The following CEP128 variants were observed in gnomAD, a reference collection of about 807,000 sequenced individuals.
CEP128 encodes the protein centrosomal protein 128.
CEP128 carries 132 observed loss-of-function variants against 156.7 expected under a neutral mutation model. The ratio of observed to expected loss-of-function variants is 0.84; its 90% CI spans 0.73 to 0.97. The LOEUF is 0.97. CEP128 is among the 50% of genes least tolerant of loss of function. The pLI is 0.00. For missense variants in CEP128, 1,252 were observed against 1,281.9 expected, an observed-to-expected ratio of 0.98 and a Z score of 0.36; for synonymous variants, 469 against 448.9, an observed-to-expected ratio of 1.04 and a Z score of -0.57.
chr14:80,827,609 A>G (rs1361120942), intron 13 of CEP128, among the ~76,000 whole-genome samples: 1 of 152,252 alleles, frequency 6.6e-6, no homozygotes, highest in African/African-American at 2.4e-5. Context: ...TGAAGTGTAC[A>G]GTATCTCTGG....
chr14:80,551,540 G>T (rs900700246), intron 21 of CEP128, among the ~76,000 whole-genome samples: 1 of 152,202 alleles, frequency 6.6e-6, no homozygotes, highest in African/African-American at 2.4e-5. Context: ...TGGTGTTAAT[G>T]TGTGTCCCTG....
chr14:80,778,237 A>C (rs984856468), intron 15 of CEP128, among the ~76,000 whole-genome samples, 191 bp from the exon 16 acceptor site: 1 of 152,216 alleles, frequency 6.6e-6, no homozygotes, highest in Non-Finnish European at 1.5e-5. Context: ...AGTATTTACC[A>C]AGCATTTACG....
upstream of CEP128, among the ~76,000 whole-genome samples, chr14:80,945,131 T>C (rs772100574): frequency 6.6e-5 from 10 of 152,174 alleles, no homozygotes; most frequent in Middle Eastern, 3.2e-3. Flanking sequence ...CCGAGATCAA[T>C]GTGTCAGCAA....
intron 21 of CEP128, among the ~76,000 whole-genome samples, chr14:80,543,026 G>A (rs569930307): frequency 1.5e-4 from 23 of 152,314 alleles, no homozygotes; most frequent in African/African-American, 5.5e-4. Flanking sequence ...GCACTTGGAT[G>A]TTGAAAGACC....
At chr14:80,824,722 G>A (rs1031657723) in intron 13 of CEP128, among the ~76,000 whole-genome samples, 2 of 152,182 alleles carry the variant, frequency 1.3e-5, no homozygotes, top group Admixed American at 1.3e-4. Context: ...TTTGGGCAAA[G>A]CCATTCAACA....
chr14:80,883,476 A>C (rs1401770318), intron 8 of CEP128, among the ~76,000 whole-genome samples: 1 of 152,152 alleles, frequency 6.6e-6, no homozygotes, highest in Non-Finnish European at 1.5e-5. Flanking sequence ...TAAATCAAGA[A>C]GGTAATCCAA....
chr14:80,673,896 A>G (rs1895958466), intron 19 of CEP128, among the ~76,000 whole-genome samples: 1 of 152,054 alleles, frequency 6.6e-6, no homozygotes, highest in Admixed American at 6.5e-5. Context: ...GAAATAATAA[A>G]TAATGGATTT....
chr14:80,509,266 A>G (rs1353337872), intron 23 of CEP128, among the ~76,000 whole-genome samples: 1 of 152,126 alleles, frequency 6.6e-6, no homozygotes, highest in Non-Finnish European at 1.5e-5. Flanking sequence ...TCCAACCAAC[A>G]GTGTATGGGG....
intron 24 of CEP128, among the ~76,000 whole-genome samples, chr14:80,499,311 C>G (rs1026784856): frequency 3.9e-5 from 6 of 152,110 alleles, no homozygotes; most frequent in Non-Finnish European, 8.8e-5. Context: ...ATTTTTCACC[C>G]CACGGACTTA....
intron 19 of CEP128, among the ~76,000 whole-genome samples, chr14:80,703,416 ACT>A (rs1480289181): frequency 6.6e-6 from 1 of 151,676 alleles, no homozygotes; most frequent in Admixed American, 6.6e-5. Context: ...CATTTAAAGG[ACT>A]CTCTGTAAAA....
chr14:80,678,047 A>ATATATATACAT (rs1555390193), intron 19 of CEP128, among the ~76,000 whole-genome samples: 1 of 68,520 alleles, frequency 1.5e-5, no homozygotes, highest in Non-Finnish European at 3.0e-5. Flanking sequence ...CTATAAAAAA[A>ATATATATACAT]AAATATATAT....
intron 19 of CEP128, among the ~76,000 whole-genome samples, chr14:80,666,343 A>G (rs1895611578): frequency 6.6e-6 from 1 of 152,212 alleles, no homozygotes; most frequent in Non-Finnish European, 1.5e-5. Context: ...TTGGAGTTCT[A>G]ACACCAGAGA....
chr14:80,843,813 C>T (rs1202704048), intron 9 of CEP128, among the ~76,000 whole-genome samples: 1 of 151,868 alleles, frequency 6.6e-6, no homozygotes, highest in Non-Finnish European at 1.5e-5. Flanking sequence ...GTATAAAACA[C>T]TATCATGGAA....
At chr14:80,487,734 G>T (rs908543543), downstream of CEP128, among the ~76,000 whole-genome samples, 2 of 152,086 alleles carry the variant, frequency 1.3e-5, no homozygotes, top group African/African-American at 2.4e-5. Context: ...ACTCAAAACT[G>T]CTCAACTACA....
intron 2 of CEP128, among the ~76,000 whole-genome samples, chr14:80,951,716 C>T (rs530242450): frequency 3.3e-5 from 5 of 152,046 alleles, no homozygotes; most frequent in African/African-American, 7.2e-5. Flanking sequence ...AAGGCAGAGA[C>T]GGCGAGACTG....
intron 9 of CEP128, among the ~76,000 whole-genome samples, chr14:80,857,193 C>A (rs1043199203): frequency 1.4e-5 from 2 of 147,252 alleles, no homozygotes; most frequent in South Asian, 2.2e-4. Context: ...AAATATTGAA[C>A]CTGCAAAAAA....
chr14:80,541,034 C>T (rs1594971740), intron 21 of CEP128, among the ~76,000 whole-genome samples: 1 of 152,204 alleles, frequency 6.6e-6, no homozygotes, highest in Non-Finnish European at 1.5e-5. Flanking sequence ...TAAGGACAGG[C>T]AGCAAGACAT....
At chr14:80,531,906 C>T (rs1281566001) in intron 21 of CEP128, among the ~76,000 whole-genome samples, 1 of 152,070 alleles carries the variant, frequency 6.6e-6, no homozygotes, top group Non-Finnish European at 1.5e-5. Flanking sequence ...AGCGTTCCCC[C>T]TTCTATCCCA....
chr14:80,955,208 A>C, intron 2 of CEP128: 1 of 268,298 alleles, frequency 3.7e-6, no homozygotes, highest in Non-Finnish European at 7.4e-6. Flanking sequence ...CTGGATAAGG[A>C]GTGCGTGCGA....
Sources: gnomAD v4.1 joint callset for allele counts (sites outside exome capture counted in the v4.1 genomes callset) on GRCh38, gnomAD v4.1.1 for gene constraint, MANE v1.5 for transcripts, NCBI Gene and HGNC (gene_info 2026-07-23, HGNC 2026-07-21) for gene names.